Variants in AUTS2 observed in about 807,000 individuals in gnomAD.
AUTS2 encodes the protein autism susceptibility gene 2 protein.
In AUTS2, 17 loss-of-function variants were observed where a neutral mutation model predicts 112.4. That is an observed-to-expected ratio of 0.15 (90% CI 0.10 to 0.23). AUTS2 has a LOEUF of 0.23. Ranked by LOEUF, AUTS2 falls within the 10% of genes least tolerant of loss-of-function variation. The pLI, the probability that AUTS2 is intolerant of heterozygous loss-of-function variation, is 1.00. For missense variants in AUTS2, 1,510 were observed against 1,701.6 expected, an observed-to-expected ratio of 0.89 and a Z score of 1.98; for synonymous variants, 751 against 702.7, an observed-to-expected ratio of 1.07 and a Z score of -1.09.
In AUTS2 at chr7:70,288,455, A is replaced by G. The variant is rs1032472524; in HGVS notation, c.661-147297A>G. Among the ~76,000 whole-genome samples, 3 of 152,216 alleles carry G rather than the reference A, an allele frequency of 2.0e-5. No homozygotes were observed. In the East Asian group the frequency reaches 5.8e-4, roughly 29 times the overall value. ...GTTTCCCCTTAGTAAAGAATTTAAT[A>G]CTTGAAGTCATCAGATTAGATTTCA... On this transcript the variant is annotated intron_variant, in intron 4 of 18. Transcript: ENST00000342771.
At position 70,336,323 on chromosome 7, in the gene AUTS2, C is replaced by T. The variant is rs189322981; in HGVS notation, c.661-99429C>T. Among the ~76,000 whole-genome samples the T allele has an allele frequency of 1.8e-3, 277 of 152,248 alleles. 1 individual carries two copies. The highest frequency in any genetic ancestry group is 6.5e-3 in the African/African-American group (268 of 41,550). The stretch of plus-strand genomic sequence containing the variant: ...CCATGTTTCTGTTCCCACAGGACAA[C>T]CATTGCTAGCATTTCTCTCTGTAGT... On this transcript the variant is annotated intron_variant, in intron 4 of 18. Transcript: ENST00000342771.
chr7:70,363,474 A>G (rs1366443233), intron 4 of AUTS2, among the ~76,000 whole-genome samples: 4 of 151,592 alleles, frequency 2.6e-5, no homozygotes, highest in Non-Finnish European at 5.9e-5. Context: ...AGAAAAAAAA[A>G]AAAAAAAAAA....
intron 6 of AUTS2, among the ~76,000 whole-genome samples, chr7:70,730,585 A>G (rs1276365104): frequency 6.6e-6 from 1 of 152,170 alleles, no homozygotes; most frequent in African/African-American, 2.4e-5. Flanking sequence ...ATATATCAGC[A>G]TTTCATTTTT....
At chr7:70,235,688 G>A (rs763394497) in intron 4 of AUTS2, among the ~76,000 whole-genome samples, 13 of 149,224 alleles carry the variant, frequency 8.7e-5, no homozygotes, top group Non-Finnish European at 1.8e-4. Context: ...GTCTCACACT[G>A]TTGCCTGGGC....
chr7:69,908,087 A>T (rs938864146), intron 2 of AUTS2, among the ~76,000 whole-genome samples: 5 of 152,226 alleles, frequency 3.3e-5, no homozygotes, highest in African/African-American at 1.2e-4. Flanking sequence ...GATACAATAT[A>T]ACTGCATTTT....
chr7:69,609,262 T>C (rs999504615), intron 1 of AUTS2, among the ~76,000 whole-genome samples: 1 of 152,182 alleles, frequency 6.6e-6, no homozygotes, highest in Non-Finnish European at 1.5e-5. Context: ...CAAAAAGTCT[T>C]ACTACAAATG....
chr7:70,620,937 A>G (rs1554443519), intron 5 of AUTS2, among the ~76,000 whole-genome samples: 2 of 152,142 alleles, frequency 1.3e-5, no homozygotes, highest in Non-Finnish European at 2.9e-5. Context: ...TGGTCAGAAG[A>G]CCAGTTCAGC....
chr7:69,903,399 A>C (rs1378703062), intron 2 of AUTS2, among the ~76,000 whole-genome samples: 1 of 152,244 alleles, frequency 6.6e-6, no homozygotes, highest in Non-Finnish European at 1.5e-5. Flanking sequence ...TTGTAGTTTA[A>C]AACACACAGA....
rs183682099 is a variant in AUTS2, at chr7:69,939,532, A to G, written c.522+40034A>G. Among the ~76,000 whole-genome samples, 8 of 152,280 alleles carry G rather than the reference A, an allele frequency of 5.3e-5. No homozygotes were observed. The East Asian group carries it at 1.5e-3, about 29-fold the overall frequency. On this transcript the variant is annotated intron_variant, in intron 2 of 18. Coordinates refer to ENST00000342771, the MANE Select transcript of AUTS2 (RefSeq NM_015570.4). ...ATACCTTTTGCTTTCATGAAACACT[A>G]TCTGTGTGAAGTGAGCTCTTTGATC...
At chr7:70,545,912 C>G (rs1428984223) in intron 5 of AUTS2, among the ~76,000 whole-genome samples, 1 of 152,146 alleles carries the variant, frequency 6.6e-6, no homozygotes, top group Non-Finnish European at 1.5e-5. Context: ...ATGGACTGAT[C>G]ATTGTGTAAG....
intron 4 of AUTS2, among the ~76,000 whole-genome samples, chr7:70,280,450 ATT>A (rs35280015): frequency 0.019 from 2,340 of 121,800 alleles, 25 homozygotes; most frequent in African/African-American, 0.035. Flanking sequence ...TGCCCGGCTG[ATT>A]TTTTTTTTTT....
chr7:70,011,360 C>T (rs980608800), intron 2 of AUTS2, among the ~76,000 whole-genome samples: 1 of 145,652 alleles, frequency 6.9e-6, no homozygotes, highest in Non-Finnish European at 1.5e-5. Context: ...CTCTCCTCTC[C>T]TCTCCCTCAT....
chr7:70,496,788 C>T (rs1482664981), intron 5 of AUTS2, among the ~76,000 whole-genome samples: 1 of 145,578 alleles, frequency 6.9e-6, no homozygotes, highest in Admixed American at 6.9e-5. Flanking sequence ...GTCAGACACA[C>T]ACACACACCC....
In AUTS2 at chr7:70,700,725, G is replaced by T. The variant is rs566448022; in HGVS notation, c.742+2105G>T. 2.0e-5 allele frequency among the ~76,000 whole-genome samples: 3 copies of T among 152,272 alleles called. No individual in the cohort carries two copies. In the East Asian group the frequency reaches 5.8e-4, roughly 29 times the overall value. The stretch of plus-strand genomic sequence containing the variant: ...TTGTGTAGCGATAATGTCAATAATT[G>T]CTTCAGGACAGGTGCAGAGTCTCCT... On this transcript the variant is annotated intron_variant, in intron 6 of 18. Transcript: ENST00000342771.
At chr7:69,771,658 G>C (rs1788667993) in intron 1 of AUTS2, among the ~76,000 whole-genome samples, 1 of 152,140 alleles carries the variant, frequency 6.6e-6, no homozygotes, top group Non-Finnish European at 1.5e-5. Flanking sequence ...TTGCCTAGTA[G>C]ACAATAAGGC....
intron 6 of AUTS2, among the ~76,000 whole-genome samples, chr7:70,751,835 C>T (rs1483624833): frequency 6.6e-6 from 1 of 152,084 alleles, no homozygotes; most frequent in Non-Finnish European, 1.5e-5. Context: ...ATTCTCCTGC[C>T]TCAGCCTCCT....
chr7:69,900,645 TG>T (rs1484443185), intron 2 of AUTS2, among the ~76,000 whole-genome samples: 4 of 152,148 alleles, frequency 2.6e-5, no homozygotes, highest in Admixed American at 2.6e-4. Flanking sequence ...GTTAAAAGAT[TG>T]GAAAGATCAA....
intron 5 of AUTS2, chr7:70,436,077 T>C (rs1218207658): frequency 3.2e-6 from 1 of 314,328 alleles, no homozygotes; most frequent in Non-Finnish European, 5.7e-6. Flanking sequence ...GACAAAATTA[T>C]TTATTTTAAT....
intron 6 of AUTS2, among the ~76,000 whole-genome samples, chr7:70,708,699 T>C (rs1201480461): frequency 6.6e-6 from 1 of 152,116 alleles, no homozygotes; most frequent in African/African-American, 2.4e-5. Flanking sequence ...CAGAATTATG[T>C]CTCGCATTTA....
Sources: gnomAD v4.1 joint callset for allele counts (sites outside exome capture counted in the v4.1 genomes callset) on GRCh38, gnomAD v4.1.1 for gene constraint, MANE v1.5 for transcripts, NCBI Gene and HGNC (gene_info 2026-07-23, HGNC 2026-07-21) for gene names.